IGFBP7: variants seen among roughly 807,000 people sequenced by gnomAD.
IGFBP7 encodes insulin-like growth factor-binding protein 7.
A neutral mutation model predicts 29.4 loss-of-function variants in IGFBP7; 31 were observed. That is an observed-to-expected ratio of 1.05 (90% CI 0.79 to 1.42). The LOEUF is 1.42. Ranked by LOEUF, IGFBP7 falls within the 40% of genes most tolerant of loss-of-function variation. The probability of loss-of-function intolerance (pLI) is 0.00; values close to 1 mark genes in which losing one functional copy is unlikely to be tolerated. For synonymous variants in IGFBP7, 172 were observed against 174.9 expected, an observed-to-expected ratio of 0.98 and a Z score of 0.13; for missense variants, 393 against 395.5, an observed-to-expected ratio of 0.99 and a Z score of 0.05.
At chr4:57,061,168 G>C (rs79075969) in intron 1 of IGFBP7, among the ~76,000 whole-genome samples, 7,105 of 152,162 alleles carry the variant, frequency 0.047, 190 homozygotes, top group Middle Eastern at 0.11. Context: ...ACTGTGTGTC[G>C]TTTGCAGGAA....
chr4:57,065,805 C>T lies in IGFBP7; in HGVS notation c.476-24872G>A, dbSNP rs143566246. 8.3e-3 allele frequency among the ~76,000 whole-genome samples: 1,257 copies of T among 152,350 alleles called. 12 individuals are homozygous for T. The highest frequency in any genetic ancestry group is 0.013 in the Non-Finnish European group (864 of 68,038). On this transcript the variant is annotated intron_variant, in intron 1 of 4. Coordinates refer to ENST00000295666, the MANE Select transcript of IGFBP7 (RefSeq NM_001553.3). Reference sequence around the variant, plus strand: ...AAACCACTGTCTTTACCTGCATTCACTTCTCTGGTGGCCTCCTGGCCTCAA... The same window carrying T: ...AAACCACTGTCTTTACCTGCATTCATTTCTCTGGTGGCCTCCTGGCCTCAA...
At chr4:57,057,118 A>T (rs1724693227) in intron 1 of IGFBP7, among the ~76,000 whole-genome samples, 1 of 152,000 alleles carries the variant, frequency 6.6e-6, no homozygotes, top group African/African-American at 2.4e-5. Flanking sequence ...AGATCCTCCC[A>T]ACTCAGCCTT....
chr4:57,040,910 T>TG lies in IGFBP7; in HGVS notation c.498dup (p.Lys167GlnfsTer16), dbSNP rs765398170. The stretch of plus-strand genomic sequence containing the variant: ...GCACCAGTGACATTCCAGATGTCCT[T>TG]GGGGGGCGTCACTATGGAAGGACCT... On this transcript the variant is annotated frameshift_variant, in exon 2 of 5. Transcript: ENST00000295666. LOFTEE classifies it high-confidence loss of function. 1 of 1,614,056 alleles carries TG rather than the reference T, an allele frequency of 6.2e-7. No individual in the cohort carries two copies. The highest frequency in any genetic ancestry group is 1.7e-5 in the Admixed American group (1 of 60,030).
At chr4:57,038,434 C>T (rs1210119927) in intron 2 of IGFBP7, among the ~76,000 whole-genome samples, 3 of 152,126 alleles carry the variant, frequency 2.0e-5, no homozygotes, top group Admixed American at 6.5e-5. Context: ...GATGCAGGGG[C>T]CCTTGAGGCT....
At chr4:57,056,340 G>T (rs550407349) in intron 1 of IGFBP7, among the ~76,000 whole-genome samples, 2 of 152,178 alleles carry the variant, frequency 1.3e-5, no homozygotes, top group Non-Finnish European at 1.5e-5. Context: ...GGAATAGAAT[G>T]CTCCTCTTAC....
chr4:57,075,223 C>T (rs1427899937), intron 1 of IGFBP7, among the ~76,000 whole-genome samples: 1 of 152,148 alleles, frequency 6.6e-6, no homozygotes, highest in Admixed American at 6.5e-5. Flanking sequence ...AATCTGTGAT[C>T]TGGTGTGAGG....
At chr4:57,093,206 A>G (rs1313950002) in intron 1 of IGFBP7, among the ~76,000 whole-genome samples, 1 of 152,236 alleles carries the variant, frequency 6.6e-6, no homozygotes, top group Non-Finnish European at 1.5e-5. Context: ...GTAAGTTTAG[A>G]ATTTAAAATC....
chr4:57,032,355 A>T (rs1200596000), intron 4 of IGFBP7, 71 bp downstream of exon 4: 34 of 1,576,790 alleles, frequency 2.2e-5, no homozygotes, highest in Non-Finnish European at 2.9e-5. Context: ...TGATACTTTC[A>T]TACTTAGTTC....
In IGFBP7 at chr4:57,084,788, G is replaced by GTTTTTTTTTTTTTTTTT. The variant is rs57704332; in HGVS notation, c.475+25072_475+25088dup. ...CTTTTTACTCAGATGTTTAAAAAAGGTTTTTTTTTTTTTTTTTTTTGGGAC... is the reference window on the plus strand; with the variant it reads ...CTTTTTACTCAGATGTTTAAAAAAGGTTTTTTTTTTTTTTTTTTTTTTTTTTTTTTTTTTTTTGGGAC... On this transcript the variant is annotated intron_variant, in intron 1 of 4. Transcript: ENST00000295666. 3.5e-5 allele frequency among the ~76,000 whole-genome samples: 4 copies of GTTTTTTTTTTTTTTTTT among 113,092 alleles called. 1 individual carries two copies. Among genetic ancestry groups the GTTTTTTTTTTTTTTTTT allele is most frequent in the African/African-American group, 6.9e-5 (2 of 29,140 alleles). The allele number at this position is 113,092 out of a possible 152,430, so 74.2% of individuals were successfully genotyped here.
Position 57,110,335 on chromosome 4 carries a change from A to G in IGFBP7, c.17T>C (p.Leu6Pro), listed in dbSNP as rs776088536. Residue 6 changes from leucine (L) to proline (P), a missense_variant, in exon 1 of 5, where the codon CTG (leucine) becomes CCG (proline). Transcript: ENST00000295666. MERPS[L>P]RALLLGAAGL... ...AGCGGCGCCGAGGAGCAGGGCGCGC[A>G]GCGACGGCCGCTCCATGGCGGGGTG... 45 of 1,387,342 alleles carry G rather than the reference A, an allele frequency of 3.2e-5. 1 individual carries two copies. In the South Asian group the frequency reaches 5.8e-4, roughly 18 times the overall value. The allele number at this position is 1,387,342 out of a possible 1,614,324, so 85.9% of individuals were successfully genotyped here. A position where few individuals can be genotyped will look rare whatever the true frequency, so the allele number is the denominator to read the frequency against.
At chr4:57,076,050 G>A (rs1725216077) in intron 1 of IGFBP7, among the ~76,000 whole-genome samples, 1 of 152,204 alleles carries the variant, frequency 6.6e-6, no homozygotes, top group Admixed American at 6.5e-5. Context: ...TTAAGCATCT[G>A]AAGTGTATTG....
At chr4:57,088,994 T>C (rs1031902215) in intron 1 of IGFBP7, among the ~76,000 whole-genome samples, 21 of 139,658 alleles carry the variant, frequency 1.5e-4, no homozygotes, top group African/African-American at 5.4e-4. Flanking sequence ...ATCACACCAC[T>C]GCATTCCAGC....
chr4:57,102,844 T>A (rs1725931415), intron 1 of IGFBP7, among the ~76,000 whole-genome samples: 1 of 152,042 alleles, frequency 6.6e-6, no homozygotes, highest in Non-Finnish European at 1.5e-5. Context: ...GCCAGAAAAA[T>A]TTTAAAGCAT....
At chr4:57,065,486 CA>C (rs1724896316) in intron 1 of IGFBP7, 3 of 152,208 alleles carry the variant, frequency 2.0e-5, no homozygotes, top group Admixed American at 1.3e-4. Flanking sequence ...GAAAGTGACT[CA>C]CTCTTGACGC....
chr4:57,099,000 C>G (rs1344593867), intron 1 of IGFBP7, among the ~76,000 whole-genome samples: 1 of 152,180 alleles, frequency 6.6e-6, no homozygotes, highest in Non-Finnish European at 1.5e-5. Context: ...TCCAGGAGAT[C>G]TATTTCTTGA....
At chr4:57,066,906 T>C (rs901562715) in intron 1 of IGFBP7, among the ~76,000 whole-genome samples, 3 of 151,900 alleles carry the variant, frequency 2.0e-5, no homozygotes, top group African/African-American at 7.3e-5. Context: ...TAATACAACA[T>C]CTTTGAACTT....
chr4:57,042,341 T>C (rs1455736909), intron 1 of IGFBP7, among the ~76,000 whole-genome samples: 1 of 149,882 alleles, frequency 6.7e-6, no homozygotes, highest in African/African-American at 2.5e-5. Flanking sequence ...TTTTGTTTTT[T>C]TAAATTAAGA....
intron 1 of IGFBP7, among the ~76,000 whole-genome samples, chr4:57,057,180 A>T (rs1225798395): frequency 6.6e-6 from 1 of 151,960 alleles, no homozygotes; most frequent in Non-Finnish European, 1.5e-5. Flanking sequence ...TAAGTTTTTA[A>T]AATTTGTTTT....
intron 1 of IGFBP7, among the ~76,000 whole-genome samples, chr4:57,060,976 G>A (rs1297063314): frequency 2.0e-5 from 3 of 151,980 alleles, no homozygotes; most frequent in African/African-American, 7.2e-5. Flanking sequence ...AAACCCAGGA[G>A]TTTGAGGCTG....
Sources: gnomAD v4.1 joint callset for allele counts (sites outside exome capture counted in the v4.1 genomes callset) on GRCh38, gnomAD v4.1.1 for gene constraint, MANE v1.5 for transcripts, NCBI Gene and HGNC (gene_info 2026-07-23, HGNC 2026-07-21) for gene names.